TRIM69: variants seen among roughly 807,000 people sequenced by gnomAD.
TRIM69 encodes the protein tripartite motif containing 69.
TRIM69 carries 29 observed loss-of-function variants against 37.7 expected under a neutral mutation model. The observed-to-expected ratio is 0.77, with a 90% CI of 0.57 to 1.05. TRIM69 has a LOEUF of 1.05. Ranked by LOEUF, TRIM69 falls within the 50% of genes least tolerant of loss-of-function variation. The probability of loss-of-function intolerance (pLI) is 0.00; values close to 1 mark genes in which losing one functional copy is unlikely to be tolerated. For missense variants in TRIM69, 596 were observed against 579.9 expected, an observed-to-expected ratio of 1.03 and a Z score of -0.28; for synonymous variants, 209 against 212.4, an observed-to-expected ratio of 0.98 and a Z score of 0.14.
intron 1 of TRIM69, chr15:44,754,208 C>G (rs1224613039): frequency 1.3e-5 from 2 of 150,652 alleles, no homozygotes; most frequent in African/African-American, 4.9e-5. Flanking sequence ...CTTACTGCAA[C>G]CTCTGCCTCC....
chr15:44,752,930 T>C (rs1456575693), intron 1 of TRIM69: 5 of 152,204 alleles, frequency 3.3e-5, no homozygotes, highest in East Asian at 1.9e-4. Flanking sequence ...GTTTTCTCCT[T>C]TTTGTTGTTA....
At chr15:44,754,723 T>C (rs2087605692) in intron 1 of TRIM69, 177 bp from the exon 2 acceptor site, 2 of 622,238 alleles carry the variant, frequency 3.2e-6, no homozygotes, top group Non-Finnish European at 5.7e-6. Context: ...TTAAATAGCA[T>C]CATACGCTAT....
chr15:44,761,646 G>C (rs2087777904), intron 6 of TRIM69, among the ~76,000 whole-genome samples: 1 of 152,126 alleles, frequency 6.6e-6, no homozygotes, highest in Non-Finnish European at 1.5e-5. Flanking sequence ...TGTATTTTTA[G>C]TAGAGATGAG....
intron 1 of TRIM69, among the ~76,000 whole-genome samples, chr15:44,744,976 G>GAAA (rs141768512): frequency 5.9e-5 from 9 of 151,448 alleles, no homozygotes; most frequent in Non-Finnish European, 1.3e-4. Flanking sequence ...AAAGGCTGGG[G>GAAA]AAAGAGTTAT....
rs756029206 is a variant in TRIM69, at chr15:44,767,270, C to T, written c.1001C>T (p.Pro334Leu). 2 of 1,613,822 alleles carry T rather than the reference C, an allele frequency of 1.2e-6. No individual in the cohort carries two copies. The highest frequency in any genetic ancestry group is 3.3e-5 in the Admixed American group (2 of 59,976). ...ACTCTGGACCCTAAAACAGCTCACC[C>T]AAATCTGGTGCTCTCCAAAAGCCAA... ...PLTLDPKTAH[P>L]NLVLSKSQTS... is the part of the protein sequence containing the mutation. The change falls in exon 7 of 7, where the codon CCA (proline) becomes CTA (leucine). Residue 334 changes from proline (P) to leucine (L), a missense_variant. Coordinates refer to ENST00000329464, the MANE Select transcript of TRIM69 (RefSeq NM_182985.5).
At chr15:44,756,552 T>C (rs2087653175) in intron 3 of TRIM69, 89 bp downstream of exon 3, 2 of 854,696 alleles carry the variant, frequency 2.3e-6, no homozygotes, top group East Asian at 2.7e-5. Flanking sequence ...GCCTAACATA[T>C]ATTATCTACA....
chr15:44,755,177 T>C lies in TRIM69; in HGVS notation c.284T>C (p.Val95Ala), dbSNP rs1214205309. The C allele has an allele frequency of 1.2e-6, 2 of 1,614,242 alleles. No homozygotes were observed. The highest frequency in any genetic ancestry group is 1.7e-5 in the Admixed American group (1 of 60,032). ...CQYNNCTFNPVLDKLVEKIKK... is the reference protein window; with the variant it reads ...CQYNNCTFNPALDKLVEKIKK... Reference sequence around the variant, plus strand: ...TATAACAACTGTACATTCAACCCTGTACTGGACAAGTTGGTAGAGAAGATT... The same window carrying C: ...TATAACAACTGTACATTCAACCCTGCACTGGACAAGTTGGTAGAGAAGATT... The change falls in exon 2 of 7, where the codon GTA becomes GCA. Residue 95 changes from valine (V) to alanine (A), a missense_variant. Val to Ala is a moderately conservative substitution (Grantham distance 64). Transcript: ENST00000329464.
chr15:44,748,875 TCA>T lies in TRIM69; in HGVS notation c.7-6024_7-6023del, dbSNP rs1302906399. On this transcript the variant is annotated intron_variant, in intron 1 of 6. Coordinates refer to ENST00000329464, the MANE Select transcript of TRIM69 (RefSeq NM_182985.5). The stretch of plus-strand genomic sequence containing the variant: ...ATTCTGGCTCCGGAGTCAAATGGCT[TCA>T]GTTTAGTATTATTAATTTTTTGAGA... Among the ~76,000 whole-genome samples, 133 of 149,804 alleles carry T rather than the reference TCA, an allele frequency of 8.9e-4. 1 individual carries two copies. The highest frequency in any genetic ancestry group is 6.8e-3 in the Middle Eastern group (2 of 292).
chr15:44,754,797 A>G, intron 1 of TRIM69, 103 bp from the exon 2 acceptor site: 1 of 823,342 alleles, frequency 1.2e-6, no homozygotes, highest in Non-Finnish European at 2.0e-6. Flanking sequence ...CTTTTACTTT[A>G]GTTGTACCAA....
intron 3 of TRIM69, 145 bp from the exon 4 acceptor site, chr15:44,758,476 A>G: frequency 4.2e-6 from 5 of 1,202,272 alleles, no homozygotes; most frequent in Non-Finnish European, 5.7e-6. Context: ...TCATTTTAGT[A>G]TGACTGAATT....
intron 3 of TRIM69, chr15:44,757,795 C>G (rs1306433687): frequency 1.3e-5 from 2 of 152,188 alleles, no homozygotes; most frequent in Non-Finnish European, 2.9e-5. Context: ...CCAGCTTGGC[C>G]TCTATAAGTG....
At chr15:44,748,574 C>A (rs2087454717) in intron 1 of TRIM69, among the ~76,000 whole-genome samples, 2 of 151,936 alleles carry the variant, frequency 1.3e-5, no homozygotes, top group Non-Finnish European at 2.9e-5. Context: ...CCTGTAATCT[C>A]AGCACTTTGG....
intron 6 of TRIM69, among the ~76,000 whole-genome samples, chr15:44,765,768 AAAAC>A (rs201384985): frequency 0.15 from 21,349 of 145,754 alleles, 1,856 homozygotes; most frequent in African/African-American, 0.24. Context: ...AAAACAAAAC[AAAAC>A]AAACAAACAA....
At position 44,767,764 on chromosome 15, in the gene TRIM69, C is replaced by T. The variant is rs1373277525; in HGVS notation, c.1495C>T (p.Pro499Ser). 6.2e-7 allele frequency: 1 copy of T among 1,610,276 alleles called. No individual in the cohort carries two copies. The highest frequency in any genetic ancestry group is 8.5e-7 in the Non-Finnish European group (1 of 1,179,024). Residue 499 changes from proline (P) to serine (S), a missense_variant, in exon 7 of 7, where the codon CCA (proline) becomes TCA (serine). Physicochemically the swap from Pro to Ser is moderately conservative, Grantham distance 74. Transcript: ENST00000329464. ...ENKEPLHILHPQ is the reference protein window; with the variant it reads ...ENKEPLHILHSQ ...TAAAGAACCATTGCACATCTTACAT[C>T]CACAGTAATGAGTCATAATATTATA...
intron 3 of TRIM69, chr15:44,757,410 A>G (rs979324355): frequency 6.6e-6 from 1 of 152,214 alleles, no homozygotes; most frequent in African/African-American, 2.4e-5. Flanking sequence ...TGAAGAAGTC[A>G]CATTAAAAAT....
intron 1 of TRIM69, chr15:44,753,425 G>A (rs902993313): frequency 1.3e-5 from 2 of 152,148 alleles, no homozygotes; most frequent in African/African-American, 4.8e-5. Context: ...GCTGGATACA[G>A]AACTCTTAGT....
chr15:44,747,510 T>C (rs1040442054), intron 1 of TRIM69, among the ~76,000 whole-genome samples: 4 of 151,570 alleles, frequency 2.6e-5, no homozygotes, highest in African/African-American at 9.7e-5. Flanking sequence ...GCACAGAAAG[T>C]TATGGAGTTA....
intron 6 of TRIM69, among the ~76,000 whole-genome samples, chr15:44,760,172 T>C (rs1417540351): frequency 6.6e-6 from 1 of 152,244 alleles, no homozygotes; most frequent in Non-Finnish European, 1.5e-5. Flanking sequence ...CTAAATCAGC[T>C]ATATGAATCC....
intron 4 of TRIM69, among the ~76,000 whole-genome samples, chr15:44,759,209 C>T (rs1355484540): frequency 6.6e-6 from 1 of 152,178 alleles, no homozygotes; most frequent in Non-Finnish European, 1.5e-5. Flanking sequence ...ATAAGCTGAC[C>T]TGTCTGAAAA....
Sources: allele counts gnomAD v4.1 joint callset (sites outside exome capture counted in the v4.1 genomes callset), GRCh38; gene constraint gnomAD v4.1.1; transcripts MANE v1.5; gene names NCBI Gene and HGNC (gene_info 2026-07-23, HGNC 2026-07-21).